The following RPL7L1 variants were observed in gnomAD, a reference collection of about 807,000 sequenced individuals.
RPL7L1 encodes ribosomal protein L7 like 1.
A neutral mutation model predicts 30.3 loss-of-function variants in RPL7L1; 20 were observed. That is an observed-to-expected ratio of 0.66 (90% CI 0.46 to 0.96). RPL7L1 has a LOEUF of 0.96. Among genes scored for constraint, RPL7L1 ranks in the 40% least tolerant of loss-of-function variants. RPL7L1 has a pLI of 0.00. For synonymous variants in RPL7L1, 107 were observed against 110.1 expected (o/e 0.97, Z 0.18); for missense variants, 271 against 314.9 (o/e 0.86, Z 1.05).
Position 42,879,860 on chromosome 6 carries a change from T to A in RPL7L1, c.-51T>A. 1 of 1,600,672 alleles carries A rather than the reference T, an allele frequency of 6.2e-7. No homozygotes were observed. Among genetic ancestry groups the A allele is most frequent in the Non-Finnish European group, 8.6e-7 (1 of 1,168,970 alleles). On this transcript the variant is annotated 5_prime_UTR_variant, in exon 1 of 6. It removes an upstream start codon present in the reference 5' UTR. Coordinates refer to ENST00000493763, the MANE Select transcript of RPL7L1 (RefSeq NM_001366481.3). ...GCGTGAGCTAGAACAGACGTCTCTA[T>A]GGTCAAGTAAACAGAGCGTGTGCTG...
At chr6:42,885,520 C>G in intron 4 of RPL7L1, 1 of 157,068 alleles carries the variant, frequency 6.4e-6, no homozygotes, top group Non-Finnish European at 1.4e-5. Context: ...TGCAGTGAGT[C>G]GAGATCGTGC....
intron 1 of RPL7L1, 197 bp from the exon 2 acceptor site, chr6:42,880,664 C>A: frequency 2.4e-6 from 1 of 421,154 alleles, no homozygotes. Flanking sequence ...AGGCGTGCGC[C>A]ACCACGCCCA....
In RPL7L1 at chr6:42,879,960, T is replaced by C; in HGVS notation, c.41+9T>C. ...AAGATGGCGGAGCAAGAGTGAGTGTTTGGGGCTTTGAATATCTGGAGTGGG... is the reference window on the plus strand; with the variant it reads ...AAGATGGCGGAGCAAGAGTGAGTGTCTGGGGCTTTGAATATCTGGAGTGGG... On this transcript the variant is annotated intron_variant, in intron 1 of 5. Coordinates refer to ENST00000493763, the MANE Select transcript of RPL7L1 (RefSeq NM_001366481.3). The C allele has an allele frequency of 1.2e-6, 2 of 1,613,906 alleles. No individual in the cohort carries two copies. Among genetic ancestry groups the C allele is most frequent in the Non-Finnish European group, 1.7e-6 (2 of 1,179,856 alleles).
At position 42,887,475 on chromosome 6, in the gene RPL7L1, C is replaced by T. The variant is rs1184647710; in HGVS notation, c.*1011C>T. On this transcript the variant is annotated 3_prime_UTR_variant, in exon 6 of 6. Coordinates refer to ENST00000493763, the MANE Select transcript of RPL7L1 (RefSeq NM_001366481.3). ...GCACGTGCCTGTAATCCCAGCTACT[C>T]AGGAGGCTGAGGCAGGAGAATCGCT... The T allele has an allele frequency of 1.3e-5, 2 of 151,824 alleles. No homozygotes were observed. Among genetic ancestry groups the T allele is most frequent in the Non-Finnish European group, 2.9e-5 (2 of 67,974 alleles). 9.4% of individuals were successfully genotyped at this position (151,824 alleles called of 1,614,324 possible). A position where few individuals can be genotyped will look rare whatever the true frequency, so the allele number is the denominator to read the frequency against.
In RPL7L1 at chr6:42,889,212, A is replaced by C. The variant is rs1766387014; in HGVS notation, c.*2748A>C. The C allele has an allele frequency of 6.6e-6, 1 of 152,254 alleles. No homozygotes were observed. The highest frequency in any genetic ancestry group is 2.1e-4 in the South Asian group (1 of 4,828). The allele number at this position is 152,254 out of a possible 1,614,324, so 9.4% of individuals were successfully genotyped here. A position where few individuals can be genotyped will look rare whatever the true frequency, so the allele number is the denominator to read the frequency against. On this transcript the variant is annotated 3_prime_UTR_variant, in exon 6 of 6. Transcript: ENST00000493763. The stretch of plus-strand genomic sequence containing the variant: ...TCTCAACACTTCAGGAGGCTGAGGC[A>C]GGCAGATCACTTGAGGTCAGGAGTT...
chr6:42,883,655 A>G (rs2054377790), intron 3 of RPL7L1, 41 bp downstream of exon 3: 1 of 1,519,412 alleles, frequency 6.6e-7, no homozygotes, highest in Non-Finnish European at 8.9e-7. Context: ...AGGCTGGGGC[A>G]AAGTGTTGCT....
chr6:42,885,876 G>A lies in RPL7L1; in HGVS notation c.450-98G>A, dbSNP rs1766246527. The A allele has an allele frequency of 7.1e-6, 5 of 704,488 alleles. No homozygotes were observed. In the East Asian group the frequency reaches 7.6e-5, roughly 11 times the overall value. 43.6% of individuals were successfully genotyped at this position (704,488 alleles called of 1,614,324 possible). The stretch of plus-strand genomic sequence containing the variant: ...AACACTTGCTCGTTGGGAGAAGTGA[G>A]TGTGTGGGAGAACCTCTCCAACCTC... On this transcript the variant is annotated intron_variant, in intron 4 of 5. Transcript: ENST00000493763.
rs372984948 is a variant in RPL7L1, at chr6:42,886,433, G to C, written c.737G>C (p.Arg246Pro). The change falls in exon 6 of 6, where the codon CGC (arginine) becomes CCC (proline). Residue 246 changes from arginine to proline, a missense_variant. Arg to Pro is a moderately radical substitution (Grantham distance 103). Coordinates refer to ENST00000493763, the MANE Select transcript of RPL7L1 (RefSeq NM_001366481.3). ...EMGTPGYRGE[R>P]INQLIRQLN ...GGCACACCTGGCTATCGGGGTGAACGCATCAATCAGCTCATCCGTCAGCTG... is the reference window on the plus strand; with the variant it reads ...GGCACACCTGGCTATCGGGGTGAACCCATCAATCAGCTCATCCGTCAGCTG... 6.4e-7 allele frequency: 1 copy of C among 1,572,122 alleles called. No individual in the cohort carries two copies. The highest frequency in any genetic ancestry group is 8.6e-7 in the Non-Finnish European group (1 of 1,157,248).
At chr6:42,880,113 G>T (rs929394352) in intron 1 of RPL7L1, among the ~76,000 whole-genome samples, 162 bp downstream of exon 1, 2 of 152,128 alleles carry the variant, frequency 1.3e-5, no homozygotes, top group African/African-American at 4.8e-5. Context: ...TGGCGGAGGA[G>T]GGAGGGGACC....
chr6:42,881,525 C>T (rs571351906), intron 2 of RPL7L1: 3 of 152,238 alleles, frequency 2.0e-5, no homozygotes, highest in Non-Finnish European at 2.9e-5. Context: ...TATACTCCTT[C>T]CGCCTATGTA....
rs1318376790 is a variant in RPL7L1 at position 42,887,945 on chromosome 6, T to G, written c.*1481T>G. 6.6e-6 allele frequency: 1 copy of G among 150,484 alleles called. No homozygotes were observed. Among genetic ancestry groups the G allele is most frequent in the African/African-American group, 2.5e-5 (1 of 40,750 alleles). The allele number at this position is 150,484 out of a possible 1,614,324, so 9.3% of individuals were successfully genotyped here. On this transcript the variant is annotated 3_prime_UTR_variant, in exon 6 of 6. Transcript: ENST00000493763. ...TGCTGTGAGTATGTGTTCCAACTTTTCAGTGATGGCTTTGAGAATTCTCAA... is the reference window on the plus strand; with the variant it reads ...TGCTGTGAGTATGTGTTCCAACTTTGCAGTGATGGCTTTGAGAATTCTCAA...
Position 42,879,675 on chromosome 6 carries a change from G to GC in RPL7L1, c.-234dup, listed in dbSNP as rs372270818. ...GAAGCACTTTGCTGTCCACAGCCAG[G>GC]CCGCTTGTGATGAAACTGTAACTTA... On this transcript the variant is annotated 5_prime_UTR_variant, in exon 1 of 6. Transcript: ENST00000493763. The GC allele has an allele frequency of 4.9e-4, 233 of 479,918 alleles. No individual in the cohort carries two copies. Among genetic ancestry groups the GC allele is most frequent in the African/African-American group, 4.1e-3 (210 of 51,188 alleles). The allele number at this position is 479,918 out of a possible 1,614,324, so 29.7% of individuals were successfully genotyped here.
chr6:42,879,801 C>A lies in RPL7L1; in HGVS notation c.-110C>A. 8.8e-7 allele frequency: 1 copy of A among 1,133,608 alleles called. No homozygotes were observed. The highest frequency in any genetic ancestry group is 1.2e-5 in the South Asian group (1 of 80,036). 70.2% of individuals were successfully genotyped at this position (1,133,608 alleles called of 1,614,324 possible). A position where few individuals can be genotyped will look rare whatever the true frequency, so the allele number is the denominator to read the frequency against. On this transcript the variant is annotated 5_prime_UTR_variant, in exon 1 of 6. Coordinates refer to ENST00000493763, the MANE Select transcript of RPL7L1 (RefSeq NM_001366481.3). ...CGGGGTTAGCGGGACCTCAAGGGCT[C>A]ACTGCGGCTAAGTGAACGCTGACTG...
At chr6:42,886,141 G>T in intron 5 of RPL7L1, 58 bp downstream of exon 5, 1 of 1,382,846 alleles carries the variant, frequency 7.2e-7, no homozygotes, top group Non-Finnish European at 1.0e-6. Flanking sequence ...TTGAAGCTTT[G>T]ATGTGAGATT....
chr6:42,885,940 G>C (rs373636166), intron 4 of RPL7L1, 34 bp from the exon 5 acceptor site: 10 of 1,180,020 alleles, frequency 8.5e-6, no homozygotes, highest in Non-Finnish European at 1.1e-5. Context: ...TGTGCCAGGT[G>C]CTGGTGAAAA....
rs1209776794 is a variant in RPL7L1 at position 42,883,689 on chromosome 6, G to A, written c.311+75G>A. 3.2e-6 allele frequency: 4 copies of A among 1,254,774 alleles called. No individual in the cohort carries two copies. In the African/African-American group the frequency reaches 4.5e-5, roughly 14 times the overall value. The allele number at this position is 1,254,774 out of a possible 1,614,324, so 77.7% of individuals were successfully genotyped here. On this transcript the variant is annotated intron_variant, in intron 3 of 5. Transcript: ENST00000493763. ...CTTAAGCTTTAGACCCCTTTCTAGG[G>A]AGATAATATGCCCCAAGCCACTCAG...
In RPL7L1 at chr6:42,887,008, A is replaced by C. The variant is rs1213626976; in HGVS notation, c.*544A>C. On this transcript the variant is annotated 3_prime_UTR_variant, in exon 6 of 6. Transcript: ENST00000493763. ...ACTCCATCTCGGAAAAAAAAAAAAA[A>C]AAACTATTGCTGCAGTCATTCAGAT... is the stretch of plus-strand genomic sequence containing the variant. 12 of 149,072 alleles carry C rather than the reference A, an allele frequency of 8.0e-5. No individual in the cohort carries two copies. 9.2% of individuals were successfully genotyped at this position (149,072 alleles called of 1,614,324 possible).
Position 42,880,915 on chromosome 6 carries a change from T to G in RPL7L1, c.96T>G (p.Tyr32Ter), listed in dbSNP as rs888342970. 6.2e-7 allele frequency: 1 copy of G among 1,610,078 alleles called. No homozygotes were observed. Among genetic ancestry groups the G allele is most frequent in the African/African-American group, 1.3e-5 (1 of 74,804 alleles). The change falls in exon 2 of 6, where the codon TAT becomes TAG. Residue 32 changes from tyrosine (Y) to a stop codon, truncating the protein, a stop_gained. Transcript: ENST00000493763. LOFTEE classifies it high-confidence loss of function. Reference sequence around the variant, plus strand: ...ATCTCCTGAAAAAGAGGAAGGCTTATCAAGCCCTCAAAGCCACCCAGGCAA... The same window carrying G: ...ATCTCCTGAAAAAGAGGAAGGCTTAGCAAGCCCTCAAAGCCACCCAGGCAA... ...PENLLKKRKAYQALKATQAKQ... is the reference protein window; with the variant it reads ...PENLLKKRKA
chr6:42,883,778 A>G, intron 3 of RPL7L1, 164 bp downstream of exon 3: 1 of 465,478 alleles, frequency 2.1e-6, no homozygotes. Context: ...AAGACCTTAG[A>G]CAGATAGGCT....
Sources: allele counts gnomAD v4.1 joint callset (sites outside exome capture counted in the v4.1 genomes callset), GRCh38; gene constraint gnomAD v4.1.1; transcripts MANE v1.5; gene names NCBI Gene and HGNC (gene_info 2026-07-23, HGNC 2026-07-21).